Variants in EIF3A observed in about 807,000 individuals in gnomAD.
The protein encoded by EIF3A is EIF3, p180 subunit.
A neutral mutation model predicts 186.6 loss-of-function variants in EIF3A; 21 were observed. The ratio of observed to expected loss-of-function variants is 0.11; its 90% confidence interval spans 0.08 to 0.16. EIF3A has a LOEUF of 0.16. Among genes scored for constraint, EIF3A ranks in the 10% least tolerant of loss-of-function variants. The pLI is 1.00. For missense variants in EIF3A, 1,306 were observed against 1,796.3 expected (o/e 0.73, Z 4.93); for synonymous variants, 563 against 584.3 (o/e 0.96, Z 0.52).
intron 12 of EIF3A, among the ~76,000 whole-genome samples, chr10:119,057,591 A>G (rs1433079072): frequency 6.6e-6 from 1 of 152,164 alleles, no homozygotes; most frequent in Non-Finnish European, 1.5e-5. Flanking sequence ...CCTGGCCAAC[A>G]TGGTGAAACC....
At chr10:119,076,634 G>C (rs1844178799) in intron 1 of EIF3A, among the ~76,000 whole-genome samples, 1 of 152,084 alleles carries the variant, frequency 6.6e-6, no homozygotes, top group South Asian at 2.1e-4. Flanking sequence ...GTGCATGTAA[G>C]GTTATTTTCT....
intron 1 of EIF3A, among the ~76,000 whole-genome samples, chr10:119,076,322 C>A (rs1690221995): frequency 2.6e-5 from 3 of 114,418 alleles, no homozygotes; most frequent in African/African-American, 9.6e-5. Context: ...AACAAGTCTC[C>A]AAAAAAAAAA....
chr10:119,061,097 C>A (rs1843877657), intron 8 of EIF3A, 127 bp downstream of exon 8: 1 of 578,598 alleles, frequency 1.7e-6, no homozygotes, highest in Non-Finnish European at 3.0e-6. Flanking sequence ...AGAAAAAAGA[C>A]AATGAAATGT....
intron 1 of EIF3A, among the ~76,000 whole-genome samples, chr10:119,076,499 T>C (rs1844176183): frequency 6.7e-6 from 1 of 149,630 alleles, no homozygotes; most frequent in Non-Finnish European, 1.5e-5. Flanking sequence ...AAAAAAAAAC[T>C]TACTAAATGA....
intron 7 of EIF3A, among the ~76,000 whole-genome samples, chr10:119,064,497 G>A (rs1843940180): frequency 6.6e-6 from 1 of 152,162 alleles, no homozygotes; most frequent in African/African-American, 2.4e-5. Context: ...AAGATCTGGT[G>A]TTGTTTAAAA....
chr10:119,061,192 G>T (rs758994391), intron 8 of EIF3A, 32 bp downstream of exon 8: 6 of 1,280,422 alleles, frequency 4.7e-6, no homozygotes, highest in Non-Finnish European at 6.7e-6. Context: ...CAACTCTGTG[G>T]TAACAACCAG....
chr10:119,071,984 C>A (rs1347558837), intron 4 of EIF3A, among the ~76,000 whole-genome samples: 1 of 129,750 alleles, frequency 7.7e-6, no homozygotes, highest in Non-Finnish European at 1.6e-5. Context: ...GAGATTGCGC[C>A]ACTGCACTCC....
At chr10:119,036,352 T>C in intron 21 of EIF3A, 84 bp from the exon 22 acceptor site, 2 of 820,308 alleles carry the variant, frequency 2.4e-6, no homozygotes, top group Non-Finnish European at 3.9e-6. Flanking sequence ...GTACTAAAGA[T>C]TGTTAAATAC....
chr10:119,075,877 T>TA (rs1554873640), intron 1 of EIF3A, among the ~76,000 whole-genome samples: 1 of 73,020 alleles, frequency 1.4e-5, no homozygotes, highest in Non-Finnish European at 3.0e-5. Context: ...CACGCCTGGC[T>TA]AATTTTTTTT....
chr10:119,042,873 G>A lies in EIF3A; in HGVS notation c.2748-101C>T. Reference sequence around the variant, plus strand: ...ATGCTTTTTAAAAACTTCAGTATGGGCCGGAGCAGTGGCTCGCACCTTTAA... The same window carrying A: ...ATGCTTTTTAAAAACTTCAGTATGGACCGGAGCAGTGGCTCGCACCTTTAA... On this transcript the variant is annotated intron_variant, in intron 18 of 21. Coordinates refer to ENST00000369144, the MANE Select transcript of EIF3A (RefSeq NM_003750.4). This position sits in a 1 kb window ranked among gnomAD's most constrained non-coding sequence, Gnocchi z 7.8. 1 of 1,265,682 alleles carries A rather than the reference G, an allele frequency of 7.9e-7. No homozygotes were observed. The highest frequency in any genetic ancestry group is 1.5e-5 in the African/African-American group (1 of 65,912). 78.4% of individuals were successfully genotyped at this position (1,265,682 alleles called of 1,614,324 possible).
At chr10:119,048,751 A>C (rs1392638159) in intron 17 of EIF3A, among the ~76,000 whole-genome samples, 1 of 151,574 alleles carries the variant, frequency 6.6e-6, no homozygotes, top group Non-Finnish European at 1.5e-5. Flanking sequence ...AGCTCACTGC[A>C]ACCTCCACCT....
intron 21 of EIF3A, 43 bp from the exon 22 acceptor site, chr10:119,036,311 A>G: frequency 7.5e-7 from 1 of 1,333,546 alleles, no homozygotes; most frequent in Non-Finnish European, 1.0e-6. Flanking sequence ...TTAGTACTAT[A>G]TTCTATTGGC....
chr10:119,060,321 A>G (rs1030595760), intron 9 of EIF3A, among the ~76,000 whole-genome samples: 1 of 152,238 alleles, frequency 6.6e-6, no homozygotes, highest in African/African-American at 2.4e-5. Context: ...CTTTAAATCC[A>G]TAAACCCTAT....
chr10:119,044,614 C>T (rs1848257475), intron 17 of EIF3A, among the ~76,000 whole-genome samples: 1 of 152,116 alleles, frequency 6.6e-6, no homozygotes, highest in Non-Finnish European at 1.5e-5. Context: ...TTTGGAAGGC[C>T]GAGGCAGGTG....
chr10:119,052,806 A>T (rs1187792177), intron 14 of EIF3A, among the ~76,000 whole-genome samples: 1 of 152,196 alleles, frequency 6.6e-6, no homozygotes, highest in Admixed American at 6.5e-5. Flanking sequence ...TCTAATGCTG[A>T]TATTTTGACC....
chr10:119,054,227 G>C (rs940693887), intron 14 of EIF3A, among the ~76,000 whole-genome samples: 1 of 151,960 alleles, frequency 6.6e-6, no homozygotes, highest in Non-Finnish European at 1.5e-5. Flanking sequence ...GGCCTTCTGC[G>C]GCTTTCTAAC....
intron 1 of EIF3A, among the ~76,000 whole-genome samples, chr10:119,074,984 CTTTTTTTTTT>C (rs113459869): frequency 1.9e-5 from 2 of 105,230 alleles, no homozygotes; most frequent in Non-Finnish European, 3.5e-5. Context: ...TATTTTTTTT[CTTTTTTTTTT>C]TTTTTGACAT....
At chr10:119,053,704 A>C (rs1848388941) in intron 14 of EIF3A, among the ~76,000 whole-genome samples, 2 of 152,048 alleles carry the variant, frequency 1.3e-5, no homozygotes, top group Admixed American at 1.3e-4. Context: ...TGGGTGATAG[A>C]GTGAGACCCT....
At chr10:119,046,898 A>G (rs1848288894) in intron 17 of EIF3A, among the ~76,000 whole-genome samples, 1 of 152,156 alleles carries the variant, frequency 6.6e-6, no homozygotes, top group East Asian at 1.9e-4. Context: ...TGGAGGCTGC[A>G]GTGGGCCGAG....
Sources: allele counts gnomAD v4.1 joint callset (sites outside exome capture counted in the v4.1 genomes callset), GRCh38; gene constraint gnomAD v4.1.1; non-coding constraint Gnocchi (gnomAD v3.1); transcripts MANE v1.5; gene names NCBI Gene and HGNC (gene_info 2026-07-23, HGNC 2026-07-21).